SYNE1: variants seen among roughly 807,000 people sequenced by gnomAD.
SYNE1 encodes nesprin-1.
In SYNE1, 616 loss-of-function variants were observed where a neutral mutation model predicts 1,111.0. The ratio of observed to expected loss-of-function variants is 0.55; its 90% CI spans 0.52 to 0.59. SYNE1 has a LOEUF of 0.59. Among genes scored for constraint, SYNE1 ranks in the 20% least tolerant of loss-of-function variants. The probability of loss-of-function intolerance (pLI) is 0.00; values close to 1 mark genes in which losing one functional copy is unlikely to be tolerated. For synonymous variants in SYNE1, 3,855 were observed against 3,825.8 expected (o/e 1.01, Z -0.28); for missense variants, 10,006 against 10,417.0 (o/e 0.96, Z 1.72).
At chr6:152,554,517 C>A (rs1044036429) in intron 3 of SYNE1, among the ~76,000 whole-genome samples, 1 of 152,162 alleles carries the variant, frequency 6.6e-6, no homozygotes, top group South Asian at 2.1e-4. Flanking sequence ...CTTGAGGCAG[C>A]CAATCATGGA....
At chr6:152,381,454 C>A in intron 55 of SYNE1, 92 bp from the exon 56 acceptor site, 2 of 1,338,562 alleles carry the variant, frequency 1.5e-6, no homozygotes, top group South Asian at 2.3e-5. Flanking sequence ...CCCTGTCCTG[C>A]CAGGAAGTTT....
intron 119 of SYNE1, among the ~76,000 whole-genome samples, chr6:152,220,498 C>T (rs1015940195): frequency 2.0e-5 from 3 of 152,072 alleles, no homozygotes; most frequent in Non-Finnish European, 4.4e-5. Context: ...ACATCTGGAA[C>T]AGAAGATTTT....
At chr6:152,235,778 A>G (rs538764582) in intron 110 of SYNE1, among the ~76,000 whole-genome samples, 6 of 148,416 alleles carry the variant, frequency 4.0e-5, no homozygotes, top group African/African-American at 1.5e-4. Flanking sequence ...GTCTCACTCT[A>G]TTGCCCAGGC....
intron 141 of SYNE1, 39 bp from the exon 142 acceptor site, chr6:152,135,271 T>C (rs1377192559): frequency 6.3e-7 from 1 of 1,596,850 alleles, no homozygotes; most frequent in South Asian, 1.1e-5. Flanking sequence ...AATAAAATAT[T>C]TTTATTTCTC....
At chr6:152,505,475 C>A (rs1311468497) in intron 8 of SYNE1, 78 bp from the exon 9 acceptor site, 1 of 1,495,870 alleles carries the variant, frequency 6.7e-7, no homozygotes, top group African/African-American at 1.4e-5. Flanking sequence ...CATGCAAAAT[C>A]CAGTGCTTTT....
intron 145 of SYNE1, chr6:152,129,669 G>A (rs1337742987): frequency 3.3e-5 from 5 of 151,696 alleles, no homozygotes; most frequent in Non-Finnish European, 7.4e-5. Context: ...AATACGTTCT[G>A]CCTGACTTCA....
At chr6:152,489,381 G>T (rs1397106611) in intron 11 of SYNE1, among the ~76,000 whole-genome samples, 1 of 151,504 alleles carries the variant, frequency 6.6e-6, no homozygotes, top group Non-Finnish European at 1.5e-5. Context: ...TGGAAAGAAT[G>T]CCATTTATGG....
intron 3 of SYNE1, among the ~76,000 whole-genome samples, chr6:152,603,645 T>C (rs895397567): frequency 6.6e-6 from 1 of 151,906 alleles, no homozygotes; most frequent in Non-Finnish European, 1.5e-5. Flanking sequence ...GGAAAAGTTA[T>C]GCAAATTCAT....
At chr6:152,343,113 A>G (rs1384224762) in intron 74 of SYNE1, among the ~76,000 whole-genome samples, 1 of 151,104 alleles carries the variant, frequency 6.6e-6, no homozygotes, top group Non-Finnish European at 1.5e-5. Context: ...ATTAGAATTA[A>G]TCTTTGGTTA....
At chr6:152,322,313 T>C (rs549261202) in intron 82 of SYNE1, among the ~76,000 whole-genome samples, 6 of 152,314 alleles carry the variant, frequency 3.9e-5, no homozygotes, top group African/African-American at 1.4e-4. Context: ...AATGTACAAA[T>C]TTCAAGTCTT....
At chr6:152,571,802 T>C (rs2099460936) in intron 3 of SYNE1, among the ~76,000 whole-genome samples, 1 of 152,210 alleles carries the variant, frequency 6.6e-6, no homozygotes, top group South Asian at 2.1e-4. Context: ...TCTTAAATAA[T>C]TTAAAAAGGA....
intron 126 of SYNE1, among the ~76,000 whole-genome samples, chr6:152,204,273 G>A (rs56317515): frequency 0.054 from 8,127 of 151,104 alleles, 312 homozygotes; most frequent in African/African-American, 0.11. Context: ...GCTGATGCAC[G>A]AGAATCACTT....
At chr6:152,278,537 A>G (rs888498576) in intron 97 of SYNE1, among the ~76,000 whole-genome samples, 7 of 151,782 alleles carry the variant, frequency 4.6e-5, no homozygotes, top group African/African-American at 1.7e-4. Context: ...ATCTTGACTC[A>G]CTGCAAGCTC....
chr6:152,393,571 T>C (rs867487397), intron 51 of SYNE1, among the ~76,000 whole-genome samples: 22 of 151,974 alleles, frequency 1.4e-4, no homozygotes, highest in African/African-American at 4.6e-4. Context: ...GAGAAACTCA[T>C]AGCTGGAAAT....
chr6:152,135,050 G>A, intron 142 of SYNE1, 54 bp downstream of exon 142: 1 of 1,612,298 alleles, frequency 6.2e-7, no homozygotes. Context: ...TTCTGTAAAT[G>A]AAATGCAACC....
At chr6:152,612,184 T>C (rs1199779865) in intron 3 of SYNE1, among the ~76,000 whole-genome samples, 1 of 151,792 alleles carries the variant, frequency 6.6e-6, no homozygotes, top group Non-Finnish European at 1.5e-5. Context: ...CAAAAAGCCC[T>C]TCAAAAAATC....
chr6:152,267,617 T>C (rs1479686433), intron 100 of SYNE1, among the ~76,000 whole-genome samples: 1 of 152,228 alleles, frequency 6.6e-6, no homozygotes, highest in Non-Finnish European at 1.5e-5. Flanking sequence ...TAGAAGACTT[T>C]GAAAGTCTTC....
intron 32 of SYNE1, among the ~76,000 whole-genome samples, chr6:152,439,906 C>A (rs79989270): frequency 6.6e-6 from 1 of 152,126 alleles, no homozygotes; most frequent in Non-Finnish European, 1.5e-5. Flanking sequence ...TTGGGTTCAC[C>A]AAGTACACCT....
chr6:152,255,032 A>G lies in SYNE1; in HGVS notation c.19318T>C (p.Phe6440Leu), dbSNP rs774099527. The change falls in exon 104 of 146, where the codon TTT becomes CTT. Residue 6440 changes from phenylalanine to leucine, a missense_variant. Transcript: ENST00000367255. The stretch of plus-strand genomic sequence containing the variant: ...CCATTCTCTGGAAAAGCTTGGGAAA[A>G]CAAGTTTTTGTTCTTATCCATTTCT... ...SEEMDKNKNLFSQAFPENGDN... is the reference protein window; with the variant it reads ...SEEMDKNKNLLSQAFPENGDN... 1.4e-5 allele frequency: 23 copies of G among 1,612,470 alleles called. No homozygotes were observed. The highest frequency in any genetic ancestry group is 1.8e-5 in the Non-Finnish European group (21 of 1,179,130).
Sources: allele counts gnomAD v4.1 joint callset (sites outside exome capture counted in the v4.1 genomes callset), GRCh38; gene constraint gnomAD v4.1.1; transcripts MANE v1.5; gene names NCBI Gene and HGNC (gene_info 2026-07-23, HGNC 2026-07-21).